The following NFIA variants were observed in gnomAD, a reference collection of about 807,000 sequenced individuals.
NFIA encodes the protein nuclear factor I A, also known as nuclear factor 1 A-type.
A neutral mutation model predicts 62.8 loss-of-function variants in NFIA; 8 were observed. That is an observed-to-expected ratio of 0.13 (90% CI 0.07 to 0.23). The LOEUF is 0.23. Among genes scored for constraint, NFIA ranks in the 10% least tolerant of loss-of-function variants. NFIA has a pLI of 1.00. For synonymous variants in NFIA, 235 were observed against 238.1 expected (o/e 0.99, Z 0.12); for missense variants, 410 against 642.1 (o/e 0.64, Z 3.91).
intron 3 of NFIA, among the ~76,000 whole-genome samples, chr1:61,327,040 T>A (rs932908787): frequency 8.8e-5 from 13 of 148,452 alleles, no homozygotes; most frequent in Non-Finnish European, 1.5e-4. Context: ...AAAAAAAATA[T>A]ATATATATGA....
intron 2 of NFIA, among the ~76,000 whole-genome samples, chr1:61,210,917 G>C (rs1653210250): frequency 6.6e-6 from 1 of 152,176 alleles, no homozygotes; most frequent in Admixed American, 6.5e-5. Context: ...TAGAAAACTA[G>C]AGAAATGCAT....
intron 2 of NFIA, among the ~76,000 whole-genome samples, chr1:61,093,282 T>A (rs1416918671): frequency 6.6e-6 from 1 of 152,090 alleles, no homozygotes. Context: ...AGTTACTTCC[T>A]GTGATTTGTA....
At chr1:61,233,777 C>G (rs1654818267) in intron 2 of NFIA, among the ~76,000 whole-genome samples, 1 of 152,138 alleles carries the variant, frequency 6.6e-6, no homozygotes, top group African/African-American at 2.4e-5. Flanking sequence ...GGTGCTCAAT[C>G]AATAATTACA....
chr1:61,104,039 A>G (rs1309398318), intron 2 of NFIA, among the ~76,000 whole-genome samples: 2 of 152,150 alleles, frequency 1.3e-5, no homozygotes, highest in East Asian at 3.8e-4. Context: ...GCTCTAGCTT[A>G]TATGTGAGGG....
chr1:61,090,809 T>C (rs1333649701), intron 2 of NFIA, among the ~76,000 whole-genome samples: 4 of 152,222 alleles, frequency 2.6e-5, no homozygotes, highest in Non-Finnish European at 5.9e-5. Context: ...TAATGGCTGC[T>C]TCTCTGTGCG....
chr1:61,413,073 C>T (rs908450955), intron 9 of NFIA, among the ~76,000 whole-genome samples: 1 of 152,010 alleles, frequency 6.6e-6, no homozygotes, highest in African/African-American at 2.4e-5. Flanking sequence ...AACACAAAAA[C>T]TCAATTTAAA....
At chr1:61,248,429 C>G (rs553115492) in intron 2 of NFIA, among the ~76,000 whole-genome samples, 22 of 152,190 alleles carry the variant, frequency 1.4e-4, no homozygotes, top group Non-Finnish European at 2.2e-4. Flanking sequence ...TTTCTGGAAC[C>G]CCCAAACTTG....
At chr1:61,306,971 C>T (rs1659837934) in intron 3 of NFIA, among the ~76,000 whole-genome samples, 1 of 152,182 alleles carries the variant, frequency 6.6e-6, no homozygotes. Context: ...CTTCCTCTGT[C>T]ACATCTAACC....
rs920921896 is a variant in NFIA, at chr1:61,088,065, C to A, written c.28-84C>A. ...AAATTTCAAGTGAAATGAGGAATTT[C>A]TTTCTTAAGGTGACCCGCTGAAGAA... On this transcript the variant is annotated intron_variant, in intron 1 of 10. Coordinates refer to ENST00000403491, the MANE Select transcript of NFIA (RefSeq NM_001134673.4). This position sits in a 1 kb window ranked among gnomAD's most constrained non-coding sequence, Gnocchi z 4.5. The A allele has an allele frequency of 2.7e-5, 36 of 1,351,118 alleles. No homozygotes were observed. Among genetic ancestry groups the A allele is most frequent in the Non-Finnish European group, 3.3e-5 (33 of 988,918 alleles). 83.7% of individuals were successfully genotyped at this position (1,351,118 alleles called of 1,614,324 possible). A position where few individuals can be genotyped will look rare whatever the true frequency, so the allele number is the denominator to read the frequency against.
rs958143917 is a variant in NFIA, at chr1:61,088,037, A to G, written c.28-112A>G. 1.5e-5 allele frequency: 17 copies of G among 1,132,656 alleles called. No individual in the cohort carries two copies. In the African/African-American group the frequency reaches 1.9e-4, roughly 13 times the overall value. 70.2% of individuals were successfully genotyped at this position (1,132,656 alleles called of 1,614,324 possible). On this transcript the variant is annotated intron_variant, in intron 1 of 10. Coordinates refer to ENST00000403491, the MANE Select transcript of NFIA (RefSeq NM_001134673.4). This position sits in a 1 kb window ranked among gnomAD's most constrained non-coding sequence, Gnocchi z 4.5. ...ATGATTTTGGTAACAGAATGCTCTA[A>G]TCAAATTTCAAGTGAAATGAGGAAT...
intron 2 of NFIA, among the ~76,000 whole-genome samples, chr1:61,191,281 G>A (rs1175817454): frequency 7.9e-5 from 12 of 151,856 alleles, no homozygotes; most frequent in African/African-American, 2.4e-4. Flanking sequence ...TCAAAAATAC[G>A]GGTAAGTAAA....
intron 7 of NFIA, among the ~76,000 whole-genome samples, chr1:61,389,416 G>A (rs541540787): frequency 6.6e-6 from 1 of 152,312 alleles, no homozygotes; most frequent in Non-Finnish European, 1.5e-5. Context: ...ATTTTTAGCT[G>A]AGCATATGGC....
intron 3 of NFIA, among the ~76,000 whole-genome samples, chr1:61,297,837 T>C (rs1371218193): frequency 6.6e-6 from 1 of 152,036 alleles, no homozygotes; most frequent in Admixed American, 6.6e-5. Context: ...AAGCGGAAAG[T>C]TAGATTTCAA....
intron 2 of NFIA, among the ~76,000 whole-genome samples, chr1:61,212,118 G>T (rs1653303253): frequency 1.3e-5 from 2 of 152,156 alleles, no homozygotes; most frequent in Non-Finnish European, 2.9e-5. Flanking sequence ...TTTTTAAGTA[G>T]GGGTGATAGC....
chr1:61,141,026 A>G (rs1344622616), intron 2 of NFIA, among the ~76,000 whole-genome samples: 1 of 146,280 alleles, frequency 6.8e-6, no homozygotes, highest in African/African-American at 2.5e-5. Flanking sequence ...AGGAACGCCA[A>G]CAGAATGGAG....
chr1:61,085,312 A>T (rs997983840), intron 1 of NFIA, among the ~76,000 whole-genome samples: 1 of 152,172 alleles, frequency 6.6e-6, no homozygotes, highest in African/African-American at 2.4e-5. Flanking sequence ...GTGAACTTTT[A>T]AAAAAAGTAG....
At chr1:61,106,425 G>T (rs1454391412) in intron 2 of NFIA, among the ~76,000 whole-genome samples, 1 of 151,686 alleles carries the variant, frequency 6.6e-6, no homozygotes, top group Non-Finnish European at 1.5e-5. Context: ...TGTTTGCATG[G>T]GGAGCTGAGA....
At chr1:61,396,843 A>AT (rs1463798379) in intron 7 of NFIA, among the ~76,000 whole-genome samples, 1 of 152,032 alleles carries the variant, frequency 6.6e-6, no homozygotes, top group Non-Finnish European at 1.5e-5. Flanking sequence ...CTACTAAAAA[A>AT]ATTCAAAAAT....
At chr1:61,277,651 T>C (rs1657888105) in intron 3 of NFIA, 66 bp downstream of exon 3, 5 of 1,545,054 alleles carry the variant, frequency 3.2e-6, no homozygotes. Flanking sequence ...GCCGACTAAG[T>C]GTGAGGATTT....
Sources: gnomAD v4.1 joint callset for allele counts (sites outside exome capture counted in the v4.1 genomes callset) on GRCh38, gnomAD v4.1.1 for gene constraint, Gnocchi (gnomAD v3.1) non-coding constraint, MANE v1.5 for transcripts, NCBI Gene and HGNC (gene_info 2026-07-23, HGNC 2026-07-21) for gene names.